Variants in AFAP1L1 observed in about 807,000 individuals in gnomAD.
AFAP1L1 encodes the protein actin filament-associated protein 1-like 1.
AFAP1L1 carries 77 observed loss-of-function variants against 99.8 expected under a neutral mutation model. The observed-to-expected ratio is 0.77, with a 90% CI of 0.64 to 0.93. AFAP1L1 has a LOEUF of 0.93. Among genes scored for constraint, AFAP1L1 ranks in the 40% least tolerant of loss-of-function variants. AFAP1L1 has a pLI of 0.00. For missense variants in AFAP1L1, 893 were observed against 996.8 expected, an observed-to-expected ratio of 0.90 and a Z score of 1.40; for synonymous variants, 373 against 395.3, an observed-to-expected ratio of 0.94 and a Z score of 0.67.
At chr5:149,321,949 T>G (rs1039911489) in intron 14 of AFAP1L1, among the ~76,000 whole-genome samples, 2 of 152,154 alleles carry the variant, frequency 1.3e-5, no homozygotes, top group African/African-American at 4.8e-5. Flanking sequence ...GAGGATCACT[T>G]GAGTCCAGGA....
Position 149,329,828 on chromosome 5 carries a change from C to T in AFAP1L1, c.1973C>T (p.Pro658Leu), listed in dbSNP as rs762598251. ...CTGAAGGAAGCCATTCGGAGCAGCC[C>T]AGGTACCTATGTGGGTGTGGTCCTG... ...RELKEAIRSSPGAKLKALEEA... is the reference protein window; with the variant it reads ...RELKEAIRSSLGAKLKALEEA... The change falls in exon 16 of 19, where the codon CCA becomes CTA. Residue 658 changes from proline to leucine, a missense_variant and splice_region_variant. Physicochemically the swap from Pro to Leu is moderately conservative, Grantham distance 98. Coordinates refer to ENST00000296721, the MANE Select transcript of AFAP1L1 (RefSeq NM_152406.4). 1.9e-6 allele frequency: 3 copies of T among 1,607,428 alleles called. No individual in the cohort carries two copies. The South Asian group carries it at 3.3e-5, about 18-fold the overall frequency.
chr5:149,317,403 T>C (rs1159630540), intron 11 of AFAP1L1, among the ~76,000 whole-genome samples: 3 of 152,186 alleles, frequency 2.0e-5, no homozygotes, highest in Admixed American at 1.3e-4. Flanking sequence ...TTCTTTTCCA[T>C]CTTTCAGTAA....
intron 1 of AFAP1L1, among the ~76,000 whole-genome samples, chr5:149,279,262 A>G (rs928567719): frequency 4.6e-5 from 7 of 152,254 alleles, no homozygotes; most frequent in Non-Finnish European, 1.0e-4. Context: ...TCAATCTAAG[A>G]GAAGCATACA....
Position 149,322,636 on chromosome 5 carries a change from C to G in AFAP1L1, c.1729C>G (p.Gln577Glu). The stretch of plus-strand genomic sequence containing the variant: ...GGAGCCCGAGCGCCCCACAGGGGCC[C>G]AGGTGAAGCGTCACGCCTCCTCCTG... ...DEEPERPTGA[Q>E]VKRHASSCSE... is the part of the protein sequence containing the mutation. The change falls in exon 15 of 19, where the codon CAG (glutamine) becomes GAG (glutamate). Residue 577 changes from glutamine (Q) to glutamate (E), a missense_variant. Physicochemically the swap from Gln to Glu is conservative, Grantham distance 29. Transcript: ENST00000296721. The G allele has an allele frequency of 6.3e-7, 1 of 1,589,022 alleles. No homozygotes were observed. Among genetic ancestry groups the G allele is most frequent in the Non-Finnish European group, 8.6e-7 (1 of 1,166,824 alleles).
rs1561675514 is a variant in AFAP1L1 at position 149,312,169 on chromosome 5, T to A, written c.985T>A (p.Ser329Thr). 1.2e-6 allele frequency: 2 copies of A among 1,614,078 alleles called. No individual in the cohort carries two copies. Among genetic ancestry groups the A allele is most frequent in the South Asian group, 1.1e-5 (1 of 91,072 alleles). The change falls in exon 9 of 19, where the codon TCC becomes ACC. Residue 329 changes from serine to threonine, a missense_variant. Transcript: ENST00000296721. ...GGAEGVEVPR[S>T]PVLLCKLDLD... ...AGCTGAGGGAGTGGAGGTCCCCAGA[T>A]CCCCAGTCCTCCTGTGCAAGTTGGA...
intron 5 of AFAP1L1, among the ~76,000 whole-genome samples, chr5:149,305,710 A>G (rs902485366): frequency 6.6e-6 from 1 of 152,212 alleles, no homozygotes; most frequent in African/African-American, 2.4e-5. Context: ...CGATATTATT[A>G]TCTCCTCTAG....
intron 15 of AFAP1L1, among the ~76,000 whole-genome samples, chr5:149,324,599 C>A (rs1049000606): frequency 2.6e-5 from 4 of 152,208 alleles, no homozygotes; most frequent in African/African-American, 9.7e-5. Context: ...TGTGTTATGT[C>A]ACACGGTTTC....
At chr5:149,280,341 T>G (rs992459405) in intron 1 of AFAP1L1, among the ~76,000 whole-genome samples, 7 of 152,216 alleles carry the variant, frequency 4.6e-5, no homozygotes, top group African/African-American at 1.4e-4. Flanking sequence ...CAGCCTGCCT[T>G]AAGGACCACT....
In AFAP1L1 at chr5:149,271,892, G is replaced by T; in HGVS notation, c.-77G>T. On this transcript the variant is annotated 5_prime_UTR_variant, in exon 1 of 19. Transcript: ENST00000296721. ...CCGGCCGCTGGGCTGGCCTGAGAGCGCAGCGCGCCGGCCGCTACCAGCCGC... is the reference window on the plus strand; with the variant it reads ...CCGGCCGCTGGGCTGGCCTGAGAGCTCAGCGCGCCGGCCGCTACCAGCCGC... 1 of 1,112,050 alleles carries T rather than the reference G, an allele frequency of 9.0e-7. No homozygotes were observed. 68.9% of individuals were successfully genotyped at this position (1,112,050 alleles called of 1,614,324 possible).
chr5:149,284,555 C>A (rs1433259131), intron 1 of AFAP1L1, among the ~76,000 whole-genome samples: 1 of 152,186 alleles, frequency 6.6e-6, no homozygotes, highest in Non-Finnish European at 1.5e-5. Context: ...AGAAAGTAAT[C>A]CAAGTTATCT....
At position 149,332,826 on chromosome 5, in the gene AFAP1L1, G is replaced by A. The variant is rs1757295854; in HGVS notation, c.2107G>A (p.Gly703Arg). The part of the protein sequence containing the change: ...VKERLQQSLA[G>R]GPALGLSVSS... ...GGAGCGCTTGCAGCAGTCCCTGGCA[G>A]GAGGGCCAGCCCTGGGGCTCTCCGT... Residue 703 changes from glycine (G) to arginine (R), a missense_variant, in exon 17 of 19, where the codon GGA (glycine) becomes AGA (arginine). Gly to Arg is a moderately radical substitution (Grantham distance 125, BLOSUM62 -2). Transcript: ENST00000296721. 1.9e-6 allele frequency: 3 copies of A among 1,611,506 alleles called. No homozygotes were observed. The South Asian group carries it at 3.3e-5, about 18-fold the overall frequency.
chr5:149,339,208 T>C (rs1465480095), intron 18 of AFAP1L1, among the ~76,000 whole-genome samples: 1 of 127,510 alleles, frequency 7.8e-6, no homozygotes, highest in Non-Finnish European at 1.6e-5. Flanking sequence ...TGAGACGGAG[T>C]CTCGCTCTGT....
chr5:149,304,669 G>A (rs1377806639), intron 5 of AFAP1L1, among the ~76,000 whole-genome samples: 1 of 152,202 alleles, frequency 6.6e-6, no homozygotes, highest in African/African-American at 2.4e-5. Flanking sequence ...GTCCAGCCCT[G>A]CCAGGTGTCT....
intron 5 of AFAP1L1, among the ~76,000 whole-genome samples, chr5:149,305,220 C>A (rs138008119): frequency 6.6e-6 from 1 of 152,294 alleles, no homozygotes; most frequent in African/African-American, 2.4e-5. Flanking sequence ...ATGTCACTTT[C>A]CAGATCAAGA....
chr5:149,308,356 C>G (rs1407708835), intron 7 of AFAP1L1, among the ~76,000 whole-genome samples: 1 of 152,176 alleles, frequency 6.6e-6, no homozygotes, highest in Non-Finnish European at 1.5e-5. Context: ...GAGATAACCA[C>G]TATTGTAATA....
chr5:149,309,734 G>C (rs1756552116), intron 7 of AFAP1L1, among the ~76,000 whole-genome samples: 2 of 152,064 alleles, frequency 1.3e-5, no homozygotes, highest in African/African-American at 4.8e-5. Flanking sequence ...TCCTAAATAG[G>C]TAGTTATGAC....
chr5:149,325,848 T>C (rs984827726), intron 15 of AFAP1L1, among the ~76,000 whole-genome samples: 6 of 152,150 alleles, frequency 3.9e-5, no homozygotes, highest in Non-Finnish European at 8.8e-5. Flanking sequence ...GGGGTTGAAT[T>C]TGCTCTCTTT....
At chr5:149,332,653 A>C (rs1757287588) in intron 16 of AFAP1L1, 42 bp from the exon 17 acceptor site, 1 of 1,581,750 alleles carries the variant, frequency 6.3e-7, no homozygotes, top group Non-Finnish European at 8.6e-7. Flanking sequence ...CTGACATTTC[A>C]GGTCAGGTTC....
At chr5:149,282,872 G>A (rs1755564393) in intron 1 of AFAP1L1, among the ~76,000 whole-genome samples, 1 of 152,156 alleles carries the variant, frequency 6.6e-6, no homozygotes, top group Non-Finnish European at 1.5e-5. Context: ...AGTAGTGTTG[G>A]GAAGACCCCA....
Sources: allele counts gnomAD v4.1 joint callset (sites outside exome capture counted in the v4.1 genomes callset), GRCh38; gene constraint gnomAD v4.1.1; transcripts MANE v1.5; gene names NCBI Gene and HGNC (gene_info 2026-07-23, HGNC 2026-07-21).